The following FBXW4 variants were observed in gnomAD, a reference collection of about 807,000 sequenced individuals.
FBXW4 encodes the protein F-box and WD repeat domain containing 4.
In FBXW4, 40 loss-of-function variants were observed where a neutral mutation model predicts 61.8. That is an observed-to-expected ratio of 0.65 (90% CI 0.50 to 0.84). FBXW4 has a LOEUF of 0.84. FBXW4 is among the 40% of genes least tolerant of loss of function. The probability of loss-of-function intolerance (pLI) is 0.00; values close to 1 mark genes in which losing one functional copy is unlikely to be tolerated. For synonymous variants in FBXW4, 311 were observed against 313.8 expected (o/e 0.99, Z 0.10); for missense variants, 672 against 753.8 (o/e 0.89, Z 1.27).
At chr10:101,655,687 CAGG>C (rs60780132) in intron 5 of FBXW4, among the ~76,000 whole-genome samples, 3,823 of 152,304 alleles carry the variant, frequency 0.025, 164 homozygotes, top group African/African-American at 0.084. Context: ...CGGAAAATAG[CAGG>C]AGAAGGAAAC....
At chr10:101,647,524 AT>A (rs978954935) in intron 5 of FBXW4, among the ~76,000 whole-genome samples, 45 of 152,066 alleles carry the variant, frequency 3.0e-4, no homozygotes, top group Admixed American at 1.0e-3. Context: ...TTTGGAATCG[AT>A]TTTTTTTCCC....
At chr10:101,659,635 C>A (rs1238779181) in intron 5 of FBXW4, among the ~76,000 whole-genome samples, 2 of 152,200 alleles carry the variant, frequency 1.3e-5, no homozygotes, top group Non-Finnish European at 2.9e-5. Flanking sequence ...AAAACCTCCC[C>A]AAATGCTGCC....
chr10:101,679,515 A>T (rs1457381330), intron 1 of FBXW4, among the ~76,000 whole-genome samples: 2 of 152,236 alleles, frequency 1.3e-5, no homozygotes, highest in Admixed American at 6.5e-5. Context: ...AAAATTGTAA[A>T]CTAAGGAAAT....
At chr10:101,646,890 A>T (rs1183882201) in intron 5 of FBXW4, among the ~76,000 whole-genome samples, 1 of 152,206 alleles carries the variant, frequency 6.6e-6, no homozygotes, top group Non-Finnish European at 1.5e-5. Context: ...AATACCCATT[A>T]TTCCTCTTCT....
At chr10:101,660,158 A>AAAGAGG in intron 5 of FBXW4, 2 of 985,400 alleles carry the variant, frequency 2.0e-6, no homozygotes, top group Non-Finnish European at 2.4e-6. Flanking sequence ...ATAAGAGGAG[A>AAAGAGG]AAGAGCTCCT....
intron 5 of FBXW4, chr10:101,660,216 A>T (rs2064229035): frequency 1.0e-6 from 1 of 984,360 alleles, no homozygotes; most frequent in Non-Finnish European, 1.2e-6. Context: ...TGACTATTAC[A>T]TCTTGTACCT....
At chr10:101,661,772 G>C (rs764562816) in intron 5 of FBXW4, among the ~76,000 whole-genome samples, 8 of 152,110 alleles carry the variant, frequency 5.3e-5, no homozygotes, top group Admixed American at 3.3e-4. Flanking sequence ...TCTTTCCCTA[G>C]ACAAGACCCA....
At chr10:101,681,010 T>C (rs143417015) in intron 1 of FBXW4, among the ~76,000 whole-genome samples, 96 of 152,280 alleles carry the variant, frequency 6.3e-4, no homozygotes, top group Non-Finnish European at 1.1e-3. Flanking sequence ...GCAACAACTA[T>C]AGCAAGTAAT....
intron 4 of FBXW4, 110 bp from the exon 5 acceptor site, chr10:101,668,090 T>G: frequency 1.2e-6 from 1 of 805,200 alleles, no homozygotes; most frequent in Non-Finnish European, 2.1e-6. Context: ...GAATCCTTTA[T>G]GCCCTGCACA....
chr10:101,662,075 A>G (rs1183230861), intron 5 of FBXW4, among the ~76,000 whole-genome samples: 2 of 152,226 alleles, frequency 1.3e-5, no homozygotes, highest in African/African-American at 4.8e-5. Context: ...ACCACTGGCA[A>G]CCAAAAGAAT....
chr10:101,659,279 G>T, intron 5 of FBXW4: 1 of 573,516 alleles, frequency 1.7e-6, no homozygotes, highest in Non-Finnish European at 2.2e-6. Context: ...AGGTTACCTG[G>T]CATAGAAGGG....
At chr10:101,670,836 G>A (rs2064351937) in intron 4 of FBXW4, among the ~76,000 whole-genome samples, 2 of 152,254 alleles carry the variant, frequency 1.3e-5, no homozygotes, top group Admixed American at 6.5e-5. Context: ...TCCAAGCTAA[G>A]TCACAATAAA....
intron 6 of FBXW4, among the ~76,000 whole-genome samples, chr10:101,622,292 C>A (rs185229715): frequency 6.6e-6 from 1 of 152,222 alleles, no homozygotes; most frequent in Non-Finnish European, 1.5e-5. Flanking sequence ...ATTTAAGACA[C>A]AGACCACATG....
At chr10:101,656,059 A>G (rs1343654002) in intron 5 of FBXW4, among the ~76,000 whole-genome samples, 1 of 152,178 alleles carries the variant, frequency 6.6e-6, no homozygotes, top group South Asian at 2.1e-4. Flanking sequence ...TCACCTGCGC[A>G]CTGAAACCCC....
In FBXW4 at chr10:101,622,155, C is replaced by CAA. The variant is rs147071681; in HGVS notation, c.1301+2588_1301+2589dup. On this transcript the variant is annotated intron_variant, in intron 6 of 8. Coordinates refer to ENST00000331272, the MANE Select transcript of FBXW4 (RefSeq NM_022039.4). Reference sequence around the variant, plus strand: ...AAGACTGACTATAGAATGGATTTTTCAAAAAAAAAAAAAAAAGCTATGGCT... The same window carrying CAA: ...AAGACTGACTATAGAATGGATTTTTCAAAAAAAAAAAAAAAAAAGCTATGGCT... 8.8e-4 allele frequency among the ~76,000 whole-genome samples: 87 copies of CAA among 99,410 alleles called. 1 individual carries two copies. Among genetic ancestry groups the CAA allele is most frequent in the Admixed American group, 1.1e-3 (10 of 9,216 alleles). 65.2% of individuals were successfully genotyped at this position (99,410 alleles called of 152,430 possible). A position where few individuals can be genotyped will look rare whatever the true frequency, so the allele number is the denominator to read the frequency against.
chr10:101,667,016 G>C (rs2064308834), intron 5 of FBXW4, among the ~76,000 whole-genome samples: 1 of 152,018 alleles, frequency 6.6e-6, no homozygotes, highest in Non-Finnish European at 1.5e-5. Context: ...CGGATCACGA[G>C]GTCAGGTGAT....
intron 1 of FBXW4, among the ~76,000 whole-genome samples, chr10:101,691,838 AG>A (rs779393331): frequency 2.0e-5 from 3 of 152,218 alleles, no homozygotes; most frequent in Non-Finnish European, 2.9e-5. Flanking sequence ...TGCATGCCCA[AG>A]AAGTCCCAAG....
chr10:101,694,902 T>C lies in FBXW4; in HGVS notation c.204A>G (p.Ala68=). ...CTCCCGCGTCAGCCCCCGGCCCGGC[T>C]GCCTCCTTCGCCGTCTGCGGCCCGG... is the stretch of plus-strand genomic sequence containing the variant. ...GKPGPQTAKE[A]AGPGADAGAR... Residue 68 remains alanine, a synonymous_variant, in exon 1 of 9, where the codon GCA becomes GCG. Coordinates refer to ENST00000331272, the MANE Select transcript of FBXW4 (RefSeq NM_022039.4). This position sits in a 1 kb window ranked among gnomAD's most constrained non-coding sequence, Gnocchi z 6.0. 1 of 1,245,124 alleles carries C rather than the reference T, an allele frequency of 8.0e-7. No homozygotes were observed. The highest frequency in any genetic ancestry group is 1.0e-6 in the Non-Finnish European group (1 of 996,032). 77.1% of individuals were successfully genotyped at this position (1,245,124 alleles called of 1,614,324 possible).
chr10:101,670,100 A>G (rs1318589412), intron 4 of FBXW4, among the ~76,000 whole-genome samples: 1 of 152,198 alleles, frequency 6.6e-6, no homozygotes, highest in African/African-American at 2.4e-5. Flanking sequence ...GACTGGTGAT[A>G]CGCATCACAA....
Sources: allele counts gnomAD v4.1 joint callset (sites outside exome capture counted in the v4.1 genomes callset), GRCh38; gene constraint gnomAD v4.1.1; non-coding constraint Gnocchi (gnomAD v3.1); transcripts MANE v1.5; gene names NCBI Gene and HGNC (gene_info 2026-07-23, HGNC 2026-07-21).